The following SNRK variants were observed in gnomAD, a reference collection of about 807,000 sequenced individuals.
The protein encoded by SNRK is SNF-related serine/threonine-protein kinase.
A neutral mutation model predicts 48.2 loss-of-function variants in SNRK; 3 were observed. The ratio of observed to expected loss-of-function variants is 0.06; its 90% CI spans 0.03 to 0.16. The LOEUF is 0.16. SNRK is among the 10% of genes least tolerant of loss of function. The pLI is 1.00. For missense variants in SNRK, 627 were observed against 976.0 expected, an observed-to-expected ratio of 0.64 and a Z score of 4.76; for synonymous variants, 376 against 366.1, an observed-to-expected ratio of 1.03 and a Z score of -0.31.
intron 2 of SNRK, among the ~76,000 whole-genome samples, chr3:43,302,865 G>A (rs1450563753): frequency 6.7e-6 from 1 of 149,832 alleles, no homozygotes; most frequent in Non-Finnish European, 1.5e-5. Context: ...TGCTTCCAAT[G>A]AACTAATTTT....
In SNRK at chr3:43,303,792, G is replaced by C. The variant is rs2090915197; in HGVS notation, c.589G>C (p.Asp197His). Residue 197 changes from aspartate (D) to histidine (H), a missense_variant and splice_region_variant, in exon 3 of 7, where the codon GAT (aspartate) becomes CAT (histidine). Asp to His is a moderately conservative substitution (Grantham distance 81, BLOSUM62 -1). Coordinates refer to ENST00000296088, the MANE Select transcript of SNRK (RefSeq NM_017719.5). This position sits in a 1 kb window ranked among gnomAD's most constrained non-coding sequence, Gnocchi z 6.2. ...TGATGAGTATGATGCACCTGCAGTA[G>C]GTAGGTAACCTCGGTCCAGTATTTG... Reference protein sequence around the residue: ...LGDEYDAPAVDIWSLGVILFM... With the variant: ...LGDEYDAPAVHIWSLGVILFM... 6.2e-7 allele frequency: 1 copy of C among 1,602,646 alleles called. No homozygotes were observed. The highest frequency in any genetic ancestry group is 8.5e-7 in the Non-Finnish European group (1 of 1,170,834).
chr3:43,314,795 A>G (rs1400419053), intron 3 of SNRK, among the ~76,000 whole-genome samples: 3 of 152,172 alleles, frequency 2.0e-5, no homozygotes, highest in African/African-American at 7.2e-5. Context: ...CTATAGCCCC[A>G]GCTACTCAAA....
intron 3 of SNRK, among the ~76,000 whole-genome samples, chr3:43,328,862 A>G (rs1403644511): frequency 1.3e-5 from 2 of 152,080 alleles, no homozygotes; most frequent in African/African-American, 2.4e-5. Context: ...GGGCAAGGGC[A>G]TCTCTTACTC....
chr3:43,324,060 G>A (rs1242575075), intron 3 of SNRK, among the ~76,000 whole-genome samples: 2 of 152,074 alleles, frequency 1.3e-5, no homozygotes, highest in Admixed American at 6.5e-5. Context: ...GGTGAATTTT[G>A]TTGTATATAA....
chr3:43,300,978 A>G (rs2090893880), intron 2 of SNRK, among the ~76,000 whole-genome samples: 1 of 152,276 alleles, frequency 6.6e-6, no homozygotes, highest in Non-Finnish European at 1.5e-5. Flanking sequence ...CACACTGGCC[A>G]TTTGGCCTAG....
At chr3:43,336,234 C>T (rs2091187220) in intron 4 of SNRK, among the ~76,000 whole-genome samples, 2 of 150,006 alleles carry the variant, frequency 1.3e-5, no homozygotes, top group African/African-American at 2.5e-5. Flanking sequence ...CCTTCCTCCC[C>T]TCTCTCCTTC....
At chr3:43,289,316 G>A (rs1214226214) in intron 1 of SNRK, among the ~76,000 whole-genome samples, 2 of 152,176 alleles carry the variant, frequency 1.3e-5, no homozygotes, top group African/African-American at 2.4e-5. Flanking sequence ...AGGTCAAGTG[G>A]TGGGTGGGAG....
chr3:43,321,221 G>A (rs2091051135), intron 3 of SNRK, among the ~76,000 whole-genome samples: 1 of 152,172 alleles, frequency 6.6e-6, no homozygotes, highest in African/African-American at 2.4e-5. Context: ...AGTGTCCCCT[G>A]ACTTTGTAAC....
At chr3:43,296,445 T>A (rs1234884990) in intron 1 of SNRK, among the ~76,000 whole-genome samples, 1 of 147,776 alleles carries the variant, frequency 6.8e-6, no homozygotes, top group African/African-American at 2.4e-5. Flanking sequence ...TATATATATA[T>A]ATTTAAGCAT....
intron 5 of SNRK, among the ~76,000 whole-genome samples, chr3:43,341,929 A>G (rs1182291765): frequency 6.6e-6 from 1 of 152,246 alleles, no homozygotes; most frequent in Admixed American, 6.5e-5. Context: ...TTCCAAATGT[A>G]TTATGGTTCT....
chr3:43,286,705 G>C (rs2090766006), intron 1 of SNRK, 30 bp downstream of exon 1: 1 of 148,678 alleles, frequency 6.7e-6, no homozygotes, highest in African/African-American at 2.4e-5. Flanking sequence ...GCGGCGGGGC[G>C]CGGCGGCCGT....
rs1164211741 is a variant in SNRK at position 43,296,418 on chromosome 3, A to ATATATATATATATATATATG, written c.-168-3321_-168-3320insATATGTATATATATATATAT. Among the ~76,000 whole-genome samples the ATATATATATATATATATATG allele has an allele frequency of 1.7e-4, 22 of 130,308 alleles. 1 individual carries two copies. The East Asian group carries it at 3.3e-3, about 19-fold the overall frequency. The allele number at this position is 130,308 out of a possible 152,430, so 85.5% of individuals were successfully genotyped here. A position where few individuals can be genotyped will look rare whatever the true frequency, so the allele number is the denominator to read the frequency against. ...TTGTATTAGATGGATATACTGGCATATATATATATATATATGTATATATAT... is the reference window on the plus strand; with the variant it reads ...TTGTATTAGATGGATATACTGGCATATATATATATATATATATATGTATATATATATATATGTATATATAT... On this transcript the variant is annotated intron_variant, in intron 1 of 6. Transcript: ENST00000296088.
intron 2 of SNRK, among the ~76,000 whole-genome samples, chr3:43,300,517 C>G (rs1307007760): frequency 1.3e-5 from 2 of 152,050 alleles, no homozygotes; most frequent in Non-Finnish European, 2.9e-5. Flanking sequence ...CATTTGCAAG[C>G]TTATGCAATA....
intron 1 of SNRK, among the ~76,000 whole-genome samples, chr3:43,295,642 G>A (rs527328930): frequency 6.6e-6 from 1 of 152,120 alleles, no homozygotes; most frequent in South Asian, 2.1e-4. Flanking sequence ...TACAACTTAG[G>A]GCCTATTGAC....
chr3:43,338,879 C>T (rs894716085), intron 4 of SNRK, among the ~76,000 whole-genome samples: 1 of 151,882 alleles, frequency 6.6e-6, no homozygotes, highest in Non-Finnish European at 1.5e-5. Context: ...TCTTTAGTTC[C>T]CTGGCTATAT....
chr3:43,346,670 G>C (rs1392346541), intron 6 of SNRK, among the ~76,000 whole-genome samples: 1 of 152,144 alleles, frequency 6.6e-6, no homozygotes. Context: ...GATATCCCAG[G>C]GGGTCAAGGC....
intron 3 of SNRK, among the ~76,000 whole-genome samples, chr3:43,307,614 A>C (rs1460030720): frequency 6.6e-6 from 1 of 152,224 alleles, no homozygotes; most frequent in African/African-American, 2.4e-5. Context: ...CACAGCACCC[A>C]GATAAGACAG....
intron 6 of SNRK, among the ~76,000 whole-genome samples, chr3:43,343,748 T>A (rs1267179330): frequency 6.6e-6 from 1 of 152,162 alleles, no homozygotes; most frequent in Non-Finnish European, 1.5e-5. Context: ...AGAAGCAGCC[T>A]CAAGCCAGAG....
chr3:43,325,471 A>G (rs1264370780), intron 3 of SNRK, among the ~76,000 whole-genome samples: 2 of 151,998 alleles, frequency 1.3e-5, no homozygotes, highest in African/African-American at 2.4e-5. Context: ...GGCCCAAAAG[A>G]CTGTGTTTTT....
Sources: gnomAD v4.1 joint callset for allele counts (sites outside exome capture counted in the v4.1 genomes callset) on GRCh38, gnomAD v4.1.1 for gene constraint, Gnocchi (gnomAD v3.1) non-coding constraint, MANE v1.5 for transcripts, NCBI Gene and HGNC (gene_info 2026-07-23, HGNC 2026-07-21) for gene names.